RCE1: variants seen among roughly 807,000 people sequenced by gnomAD.
The protein encoded by RCE1 is Ras converting CAAX endopeptidase 1, also known as CAAX prenyl protease 2.
A neutral mutation model predicts 35.0 loss-of-function variants in RCE1; 15 were observed. The observed-to-expected ratio is 0.43, with a 90% CI of 0.29 to 0.66. The LOEUF (loss-of-function observed/expected upper bound fraction) is 0.66. Ranked by LOEUF, RCE1 falls within the 30% of genes least tolerant of loss-of-function variation. RCE1 has a pLI of 0.17. For missense variants in RCE1, 434 were observed against 433.0 expected (o/e 1.00, Z -0.02); for synonymous variants, 261 against 192.7 (o/e 1.35, Z -2.94).
At position 66,846,343 on chromosome 11, in the gene RCE1, A is replaced by C. The variant is rs1174227471; in HGVS notation, c.*248A>C. 2.2e-6 allele frequency: 1 copy of C among 457,304 alleles called. No homozygotes were observed. The highest frequency in any genetic ancestry group is 3.8e-6 in the Non-Finnish European group (1 of 260,200). 28.3% of individuals were successfully genotyped at this position (457,304 alleles called of 1,614,324 possible). A position where few individuals can be genotyped will look rare whatever the true frequency, so the allele number is the denominator to read the frequency against. Reference sequence around the variant, plus strand: ...GGACAAGGGGCAGGTCCCAGGAGCCACACACTCCCTTCCTCACTTTGGACT... The same window carrying C: ...GGACAAGGGGCAGGTCCCAGGAGCCCCACACTCCCTTCCTCACTTTGGACT... On this transcript the variant is annotated 3_prime_UTR_variant, in exon 8 of 8. Transcript: ENST00000309657.
intron 5 of RCE1, 58 bp from the exon 6 acceptor site, chr11:66,845,108 A>G: frequency 1.2e-6 from 2 of 1,613,398 alleles, no homozygotes; most frequent in East Asian, 2.2e-5. Context: ...GGTGAGGGGC[A>G]GTCCTAGAAG....
Position 66,845,575 on chromosome 11 carries a change from T to G in RCE1, c.754+13T>G. 2.5e-6 allele frequency: 4 copies of G among 1,614,152 alleles called. No individual in the cohort carries two copies. Among genetic ancestry groups the G allele is most frequent in the Non-Finnish European group, 3.4e-6 (4 of 1,180,022 alleles). ...TTCATCCGCACAGGTTGGTCCTCAG[T>G]CCCTCATGGGTCCCTGGGGGCCCAC... is the stretch of plus-strand genomic sequence containing the variant. On this transcript the variant is annotated intron_variant, in intron 7 of 7. Coordinates refer to ENST00000309657, the MANE Select transcript of RCE1 (RefSeq NM_005133.3).
intron 4 of RCE1, 92 bp from the exon 5 acceptor site, chr11:66,844,766 AGTTTGGCCAGG>A: frequency 7.1e-7 from 1 of 1,417,406 alleles, no homozygotes; most frequent in Non-Finnish European, 9.3e-7. Context: ...GCCTAACCTG[AGTTTGGCCAGG>A]GTAAAGTTGT....
rs1008655848 is a variant in RCE1, at chr11:66,846,411, G to T, written c.*316G>T. ...CTCTGCCTCTGAAAAGCTGCTCGGG[G>T]TTTTTTATTTATAAAACCTCTCCCC... On this transcript the variant is annotated 3_prime_UTR_variant, in exon 8 of 8. Transcript: ENST00000309657. The T allele has an allele frequency of 3.8e-6, 1 of 260,228 alleles. No individual in the cohort carries two copies. Among genetic ancestry groups the T allele is most frequent in the Non-Finnish European group, 7.3e-6 (1 of 137,138 alleles). 16.1% of individuals were successfully genotyped at this position (260,228 alleles called of 1,614,324 possible).
At chr11:66,845,807 G>A in intron 7 of RCE1, 53 bp from the exon 8 acceptor site, 12 of 1,578,480 alleles carry the variant, frequency 7.6e-6, no homozygotes, top group Non-Finnish European at 9.5e-6. Context: ...AGCCCTGGAA[G>A]GGCCAGAGGA....
In RCE1 at chr11:66,846,170, G is replaced by A. The variant is rs776511053; in HGVS notation, c.*75G>A. 111 of 1,489,344 alleles carry A rather than the reference G, an allele frequency of 7.5e-5. No individual in the cohort carries two copies. Among genetic ancestry groups the A allele is most frequent in the Non-Finnish European group, 9.4e-5 (106 of 1,123,242 alleles). The allele number at this position is 1,489,344 out of a possible 1,614,324, so 92.3% of individuals were successfully genotyped here. A position where few individuals can be genotyped will look rare whatever the true frequency, so the allele number is the denominator to read the frequency against. On this transcript the variant is annotated 3_prime_UTR_variant, in exon 8 of 8. Transcript: ENST00000309657. ...CCACCAAGGGGTACTGCAGGGGAAG[G>A]GCTGGCTGGGGTCCCCGAGATCTCA...
rs1239979586 is a variant in RCE1, at chr11:66,845,905, T to C, written c.800T>C (p.Met267Thr). The C allele has an allele frequency of 6.2e-7, 1 of 1,613,826 alleles. No homozygotes were observed. The highest frequency in any genetic ancestry group is 8.5e-7 in the Non-Finnish European group (1 of 1,180,026). Residue 267 changes from methionine to threonine, a missense_variant, in exon 8 of 8, where the codon ATG (methionine) becomes ACG (threonine). Transcript: ENST00000309657. The stretch of plus-strand genomic sequence containing the variant: ...CTCTGCCATTCCTTCTGCAATTACA[T>C]GGGTTTCCCAGCTGTTTGCGCGGCC... Reference protein sequence around the residue: ...PVLCHSFCNYMGFPAVCAALE... With the variant: ...PVLCHSFCNYTGFPAVCAALE...
chr11:66,844,049 C>T lies in RCE1; in HGVS notation c.372+10C>T, dbSNP rs1945151709. The T allele has an allele frequency of 6.2e-7, 1 of 1,614,032 alleles. No homozygotes were observed. The highest frequency in any genetic ancestry group is 8.5e-7 in the Non-Finnish European group (1 of 1,180,026). On this transcript the variant is annotated intron_variant, in intron 3 of 7. Transcript: ENST00000309657. Reference sequence around the variant, plus strand: ...CCTGTTGCTGACCATGGTGAGTGCTCCTGCTGTATTTTTTCTTCTGGTCTT... The same window carrying T: ...CCTGTTGCTGACCATGGTGAGTGCTTCTGCTGTATTTTTTCTTCTGGTCTT...
In RCE1 at chr11:66,846,029, C is replaced by T. The variant is rs192955094; in HGVS notation, c.924C>T (p.Tyr308=). 2.5e-4 allele frequency: 401 copies of T among 1,613,832 alleles called. 2 individuals carry two copies. The East Asian group carries it at 5.7e-3, about 23-fold the overall frequency. The change falls in exon 8 of 8, where the codon TAC becomes TAT. Residue 308 remains tyrosine (Y), a synonymous_variant. Transcript: ENST00000309657. ...LLQPLTDPKL[Y]GSLPLCVLLE... ...AGCCCCTCACGGACCCCAAGCTCTACGGCAGCCTTCCCCTTTGTGTGCTTT... is the reference window on the plus strand; with the variant it reads ...AGCCCCTCACGGACCCCAAGCTCTATGGCAGCCTTCCCCTTTGTGTGCTTT...
chr11:66,846,108 G>C lies in RCE1; in HGVS notation c.*13G>C, dbSNP rs1271180223. 1.3e-6 allele frequency: 2 copies of C among 1,590,270 alleles called. No individual in the cohort carries two copies. Among genetic ancestry groups the C allele is most frequent in the Non-Finnish European group, 1.7e-6 (2 of 1,169,578 alleles). On this transcript the variant is annotated 3_prime_UTR_variant, in exon 8 of 8. Coordinates refer to ENST00000309657, the MANE Select transcript of RCE1 (RefSeq NM_005133.3). ...CCTGTGCTCCTGACCTATGCTCCTGGATACGCTATGAACTCTCACCGGCTC... is the reference window on the plus strand; with the variant it reads ...CCTGTGCTCCTGACCTATGCTCCTGCATACGCTATGAACTCTCACCGGCTC...
chr11:66,845,267 G>C (rs1325866212), intron 6 of RCE1, 30 bp downstream of exon 6: 4 of 1,614,050 alleles, frequency 2.5e-6, no homozygotes, highest in Non-Finnish European at 3.4e-6. Context: ...CCTGGGTTAG[G>C]GTGTATGATG....
Position 66,846,122 on chromosome 11 carries a change from T to G in RCE1, c.*27T>G, listed in dbSNP as rs749656948. The G allele has an allele frequency of 6.4e-7, 1 of 1,554,748 alleles. No homozygotes were observed. Among genetic ancestry groups the G allele is most frequent in the Non-Finnish European group, 8.7e-7 (1 of 1,151,524 alleles). ...CTATGCTCCTGGATACGCTATGAACTCTCACCGGCTCCCCAGCCCTCCCCA... is the reference window on the plus strand; with the variant it reads ...CTATGCTCCTGGATACGCTATGAACGCTCACCGGCTCCCCAGCCCTCCCCA... On this transcript the variant is annotated 3_prime_UTR_variant, in exon 8 of 8. Transcript: ENST00000309657.
chr11:66,845,131 G>GAAT lies in RCE1; in HGVS notation c.620-34_620-32dup, dbSNP rs760347693. 124 of 1,614,172 alleles carry GAAT rather than the reference G, an allele frequency of 7.7e-5. No homozygotes were observed. In the African/African-American group the frequency reaches 1.6e-3, roughly 20 times the overall value. ...GCAGTCCTAGAAGGGAGGCTGGGAG[G>GAAT]AATGACTGTGATGTGATTGTCACCT... On this transcript the variant is annotated intron_variant, in intron 5 of 7. Coordinates refer to ENST00000309657, the MANE Select transcript of RCE1 (RefSeq NM_005133.3).
chr11:66,844,107 CTT>C (rs751174751), intron 3 of RCE1, 68 bp downstream of exon 3: 679 of 1,610,748 alleles, frequency 4.2e-4, no homozygotes, highest in Non-Finnish European at 5.2e-4. Context: ...GCCGTGGACT[CTT>C]GTTTTTGGTT....
rs768563250 is a variant in RCE1 at position 66,846,101 on chromosome 11, GCTC to G, written c.*9_*11del. 43 of 1,599,972 alleles carry G rather than the reference GCTC, an allele frequency of 2.7e-5. No individual in the cohort carries two copies. The African/African-American group carries it at 5.2e-4, about 19-fold the overall frequency. ...AGGCTCCCCTGTGCTCCTGACCTATGCTCCTGGATACGCTATGAACTCTCACCG... is the reference window on the plus strand; with the variant it reads ...AGGCTCCCCTGTGCTCCTGACCTATGCTGGATACGCTATGAACTCTCACCG... On this transcript the variant is annotated 3_prime_UTR_variant, in exon 8 of 8. Transcript: ENST00000309657.
rs774112426 is a variant in RCE1 at position 66,844,051 on chromosome 11, T to C, written c.372+12T>C. On this transcript the variant is annotated intron_variant, in intron 3 of 7. Transcript: ENST00000309657. ...TGTTGCTGACCATGGTGAGTGCTCC[T>C]GCTGTATTTTTTCTTCTGGTCTTTG... 146 of 1,613,964 alleles carry C rather than the reference T, an allele frequency of 9.0e-5. No homozygotes were observed. Among genetic ancestry groups the C allele is most frequent in the Non-Finnish European group, 1.2e-4 (142 of 1,180,028 alleles).
At position 66,843,467 on chromosome 11, in the gene RCE1, G is replaced by A. The variant is rs1419601523; in HGVS notation, c.12G>A (p.Leu4=). Residue 4 remains leucine, a synonymous_variant, in exon 1 of 8, where the codon CTG becomes CTA. Coordinates refer to ENST00000309657, the MANE Select transcript of RCE1 (RefSeq NM_005133.3). The stretch of plus-strand genomic sequence containing the variant: ...CGGGTCAGGGCGCAATGGCGGCGCT[G>A]GGCGGGGATGGGCTGCGACTGCTGT... MAA[L]GGDGLRLLSV... The A allele has an allele frequency of 1.4e-6, 2 of 1,422,360 alleles. No individual in the cohort carries two copies. Among genetic ancestry groups the A allele is most frequent in the East Asian group, 2.9e-5 (1 of 34,422 alleles). 88.1% of individuals were successfully genotyped at this position (1,422,360 alleles called of 1,614,324 possible). A position where few individuals can be genotyped will look rare whatever the true frequency, so the allele number is the denominator to read the frequency against.
In RCE1 at chr11:66,845,823, T is replaced by C. The variant is rs548272943; in HGVS notation, c.755-37T>C. ...GCCCTGGAAGGGCCAGAGGAGGTGG[T>C]AGGGCTGCTCCCTGAGCTGCTGTCT... On this transcript the variant is annotated intron_variant, in intron 7 of 7. Transcript: ENST00000309657. 80 of 1,598,156 alleles carry C rather than the reference T, an allele frequency of 5.0e-5. No homozygotes were observed. In the South Asian group the frequency reaches 7.7e-4, roughly 15 times the overall value.
Position 66,843,525 on chromosome 11 carries a change from G to C in RCE1, c.70G>C (p.Ala24Pro), listed in dbSNP as rs1174345610. The change falls in exon 1 of 8, where the codon GCG becomes CCG. Residue 24 changes from alanine to proline, a missense_variant. Physicochemically the swap from Ala to Pro is conservative, Grantham distance 27 (BLOSUM62 -1). Transcript: ENST00000309657. ...GCGGCCGGAGCGGCCGCCCGAGTCG[G>C]CGGCGCTGGGCGGCCTGGGCCCCGG... is the stretch of plus-strand genomic sequence containing the variant. ...VSRPERPPES[A>P]ALGGLGPGLC... The C allele has an allele frequency of 1.3e-6, 2 of 1,508,420 alleles. No homozygotes were observed. The highest frequency in any genetic ancestry group is 4.4e-5 in the Admixed American group (2 of 45,888). 93.4% of individuals were successfully genotyped at this position (1,508,420 alleles called of 1,614,324 possible).
Sources: allele counts gnomAD v4.1 joint callset, GRCh38; gene constraint gnomAD v4.1.1; transcripts MANE v1.5; gene names NCBI Gene and HGNC (gene_info 2026-07-23, HGNC 2026-07-21).